MDGA2: variants seen among roughly 807,000 people sequenced by gnomAD.
MDGA2 encodes the protein MAM domain containing glycosylphosphatidylinositol anchor 2, also known as MAM domain-containing glycosylphosphatidylinositol anchor protein 2.
MDGA2 carries 40 observed loss-of-function variants against 117.8 expected under a neutral mutation model. The observed-to-expected ratio is 0.34, with a 90% CI of 0.26 to 0.44. MDGA2 has a LOEUF of 0.44. MDGA2 is among the 20% of genes least tolerant of loss of function. The pLI, the probability that MDGA2 is intolerant of heterozygous loss-of-function variation, is 1.00. For missense variants in MDGA2, 1,123 were observed against 1,250.6 expected, an observed-to-expected ratio of 0.90 and a Z score of 1.54; for synonymous variants, 452 against 439.0, an observed-to-expected ratio of 1.03 and a Z score of -0.37.
At chr14:47,615,137 C>T (rs1896926285) in intron 1 of MDGA2, among the ~76,000 whole-genome samples, 1 of 151,616 alleles carries the variant, frequency 6.6e-6, no homozygotes, top group Non-Finnish European at 1.5e-5. Flanking sequence ...CCTTTATATT[C>T]TTTCTCATAG....
At chr14:47,041,039 A>G (rs1010650325) in intron 7 of MDGA2, among the ~76,000 whole-genome samples, 4 of 152,232 alleles carry the variant, frequency 2.6e-5, no homozygotes, top group African/African-American at 7.2e-5. Flanking sequence ...TGAATCATGT[A>G]TATTTTGGAA....
intron 9 of MDGA2, among the ~76,000 whole-genome samples, chr14:46,936,723 T>C (rs2138567288): frequency 6.6e-6 from 1 of 151,798 alleles, no homozygotes; most frequent in South Asian, 2.1e-4. Context: ...AAATTGAACA[T>C]TCCTTCATAA....
intron 1 of MDGA2, among the ~76,000 whole-genome samples, chr14:47,644,319 G>C (rs1403237187): frequency 6.6e-6 from 1 of 152,178 alleles, no homozygotes; most frequent in Non-Finnish European, 1.5e-5. Context: ...ATCAACCTAA[G>C]TGTCCATGGA....
chr14:46,872,239 G>A (rs968783889), intron 14 of MDGA2, among the ~76,000 whole-genome samples: 1 of 151,842 alleles, frequency 6.6e-6, no homozygotes, highest in Non-Finnish European at 1.5e-5. Flanking sequence ...CATATTATGT[G>A]TCCAATTGTA....
intron 14 of MDGA2, among the ~76,000 whole-genome samples, chr14:46,864,209 T>C (rs1308334994): frequency 6.6e-6 from 1 of 151,176 alleles, no homozygotes; most frequent in Non-Finnish European, 1.5e-5. Flanking sequence ...AAATATTGTA[T>C]GCATTGATGT....
chr14:47,515,313 C>T (rs1483230997), intron 1 of MDGA2, among the ~76,000 whole-genome samples: 2 of 152,134 alleles, frequency 1.3e-5, no homozygotes, highest in Non-Finnish European at 2.9e-5. Context: ...CTGCTGGACT[C>T]TCCATTTGGT....
At chr14:47,333,962 T>C (rs1288631932) in intron 1 of MDGA2, among the ~76,000 whole-genome samples, 2 of 151,844 alleles carry the variant, frequency 1.3e-5, no homozygotes, top group East Asian at 1.9e-4. Flanking sequence ...ATGGTTCAGA[T>C]ATTTCCTCTA....
At chr14:47,516,695 G>T (rs544836327) in intron 1 of MDGA2, among the ~76,000 whole-genome samples, 4 of 152,092 alleles carry the variant, frequency 2.6e-5, no homozygotes, top group African/African-American at 9.7e-5. Flanking sequence ...TCATAGGGTC[G>T]GGCATAGCTG....
At chr14:47,541,685 T>A (rs1248480001) in intron 1 of MDGA2, among the ~76,000 whole-genome samples, 2 of 152,210 alleles carry the variant, frequency 1.3e-5, no homozygotes, top group Non-Finnish European at 2.9e-5. Flanking sequence ...GTTTTACCTC[T>A]TAATCGCTCT....
intron 6 of MDGA2, among the ~76,000 whole-genome samples, chr14:47,080,144 C>T (rs10142684): frequency 0.84 from 128,456 of 152,196 alleles, 54,639 homozygotes; most frequent in East Asian, 0.97. Context: ...ATACTGAATG[C>T]CAATTACATA....
chr14:47,165,513 G>A (rs528559919), intron 3 of MDGA2, among the ~76,000 whole-genome samples: 1 of 152,218 alleles, frequency 6.6e-6, no homozygotes, highest in East Asian at 1.9e-4. Flanking sequence ...GGACTGTAGA[G>A]GTGATGATAG....
intron 1 of MDGA2, among the ~76,000 whole-genome samples, chr14:47,633,173 C>T (rs1021582059): frequency 6.8e-6 from 1 of 147,868 alleles, no homozygotes; most frequent in Admixed American, 6.9e-5. Flanking sequence ...GTCATTGTTC[C>T]CATTACATGG....
At chr14:47,514,119 C>G (rs1019828690) in intron 1 of MDGA2, among the ~76,000 whole-genome samples, 4 of 152,090 alleles carry the variant, frequency 2.6e-5, no homozygotes, top group African/African-American at 9.7e-5. Flanking sequence ...ACCTTGACAG[C>G]CTTTTACTGT....
intron 5 of MDGA2, among the ~76,000 whole-genome samples, chr14:47,123,763 A>G (rs2139115377): frequency 6.6e-6 from 1 of 152,208 alleles, no homozygotes; most frequent in Admixed American, 6.5e-5. Context: ...ACTTATTTCA[A>G]GATTAATCAT....
At chr14:46,933,285 G>C (rs1884648307) in intron 9 of MDGA2, among the ~76,000 whole-genome samples, 1 of 151,628 alleles carries the variant, frequency 6.6e-6, no homozygotes, top group Non-Finnish European at 1.5e-5. Flanking sequence ...AATAAATATA[G>C]GTAATCAGCA....
At position 47,083,438 on chromosome 14, in the gene MDGA2, G is replaced by A. The variant is rs560652237; in HGVS notation, c.1195+13416C>T. ...AAATATGCAATTATACTTAGTGAAA[G>A]GAATAGGGAAAAGTACACTACTCTA... is the stretch of plus-strand genomic sequence containing the variant. On this transcript the variant is annotated intron_variant, in intron 6 of 16. Transcript: ENST00000399232. 1.9e-4 allele frequency among the ~76,000 whole-genome samples: 28 copies of A among 151,230 alleles called. No homozygotes were observed. The South Asian group carries it at 5.7e-3, about 31-fold the overall frequency.
intron 1 of MDGA2, among the ~76,000 whole-genome samples, chr14:47,664,463 G>C (rs1897905690): frequency 1.3e-5 from 2 of 152,166 alleles, no homozygotes; most frequent in South Asian, 4.1e-4. Flanking sequence ...TGCAGCCATA[G>C]TTTCTTATTC....
chr14:47,619,269 CAAT>C (rs1182481361), intron 1 of MDGA2, among the ~76,000 whole-genome samples: 1 of 151,982 alleles, frequency 6.6e-6, no homozygotes, highest in Non-Finnish European at 1.5e-5. Context: ...TTTTACTGCC[CAAT>C]AATAATATTC....
intron 7 of MDGA2, among the ~76,000 whole-genome samples, chr14:47,037,010 A>G (rs192371766): frequency 6.6e-6 from 1 of 152,340 alleles, no homozygotes; most frequent in East Asian, 1.9e-4. Context: ...ATATGTTTAA[A>G]ACGGCTCCAT....
Sources: gnomAD v4.1 joint callset for allele counts (sites outside exome capture counted in the v4.1 genomes callset) on GRCh38, gnomAD v4.1.1 for gene constraint, MANE v1.5 for transcripts, NCBI Gene and HGNC (gene_info 2026-07-23, HGNC 2026-07-21) for gene names.